CCNY: variants seen among roughly 807,000 people sequenced by gnomAD.
CCNY encodes cyclin-Y.
A neutral mutation model predicts 42.8 loss-of-function variants in CCNY; 19 were observed. The ratio of observed to expected loss-of-function variants is 0.44; its 90% CI spans 0.31 to 0.65. The LOEUF (loss-of-function observed/expected upper bound fraction) is 0.65, where lower values mean the gene tolerates loss of function less well. CCNY is among the 30% of genes least tolerant of loss of function. The pLI is 0.07. For synonymous variants in CCNY, 165 were observed against 162.7 expected (o/e 1.01, Z -0.11); for missense variants, 370 against 437.3 (o/e 0.85, Z 1.37).
rs181090812 is a variant in CCNY, at chr10:35,533,995, A to G, written c.579+3752A>G. The stretch of plus-strand genomic sequence containing the variant: ...CTTCCCCTGCCCCAGTAGTTTTAGA[A>G]CATTGACACATTTCATTTCATTGCT... On this transcript the variant is annotated intron_variant, in intron 7 of 9. Transcript: ENST00000374704. Among the ~76,000 whole-genome samples the G allele has an allele frequency of 2.8e-3, 433 of 152,058 alleles. 1 individual carries two copies. Among genetic ancestry groups the G allele is most frequent in the Non-Finnish European group, 4.6e-3 (310 of 67,982 alleles).
At chr10:35,340,813 C>A (rs1836162813) in intron 1 of CCNY, among the ~76,000 whole-genome samples, 1 of 152,176 alleles carries the variant, frequency 6.6e-6, no homozygotes, top group Non-Finnish European at 1.5e-5. Flanking sequence ...CCACTCTTTT[C>A]ATTTTTATAG....
intron 1 of CCNY, among the ~76,000 whole-genome samples, chr10:35,404,564 GA>G (rs979715030): frequency 2.2e-4 from 34 of 152,246 alleles, no homozygotes; most frequent in Non-Finnish European, 7.4e-5. Context: ...AGGTAATGTG[GA>G]GTGAGTAGTC....
chr10:35,357,118 A>G (rs1412374489), intron 1 of CCNY, among the ~76,000 whole-genome samples: 1 of 134,592 alleles, frequency 7.4e-6, no homozygotes, highest in Non-Finnish European at 1.6e-5. Context: ...ATCACCCCGC[A>G]TCACCTGTTC....
At chr10:35,476,625 C>T (rs1238299886) in intron 1 of CCNY, among the ~76,000 whole-genome samples, 3 of 151,054 alleles carry the variant, frequency 2.0e-5, no homozygotes, top group Non-Finnish European at 4.4e-5. Context: ...CTCTGGGACG[C>T]ATTCAAAGCA....
intron 1 of CCNY, among the ~76,000 whole-genome samples, chr10:35,458,073 G>A (rs1229231194): frequency 6.6e-6 from 1 of 152,186 alleles, no homozygotes; most frequent in African/African-American, 2.4e-5. Flanking sequence ...AAAGAAAATT[G>A]GAAGCAGTAC....
At chr10:35,389,269 A>G (rs1052229849) in intron 1 of CCNY, among the ~76,000 whole-genome samples, 1 of 151,990 alleles carries the variant, frequency 6.6e-6, no homozygotes, top group Non-Finnish European at 1.5e-5. Flanking sequence ...AGTCTACTAC[A>G]TTTTACAGAC....
chr10:35,453,124 A>G (rs1295702437), intron 1 of CCNY, among the ~76,000 whole-genome samples: 2 of 152,050 alleles, frequency 1.3e-5, no homozygotes, highest in Admixed American at 1.3e-4. Context: ...TTTCATAGAG[A>G]TAGGGTCTTG....
At chr10:35,264,237 T>A (rs909160563) in intron 3 of CCNY, among the ~76,000 whole-genome samples, 5 of 152,298 alleles carry the variant, frequency 3.3e-5, no homozygotes, top group South Asian at 2.1e-4. Context: ...TCTTTCTTTT[T>A]TTTTATTTTA....
chr10:35,296,581 A>T (rs1010311494), intron 3 of CCNY, among the ~76,000 whole-genome samples: 1 of 152,082 alleles, frequency 6.6e-6, no homozygotes, highest in Non-Finnish European at 1.5e-5. Flanking sequence ...ACTCTGTCAG[A>T]AAAAAAAGAA....
chr10:35,428,284 A>T (rs1838313281), intron 1 of CCNY, among the ~76,000 whole-genome samples: 1 of 152,106 alleles, frequency 6.6e-6, no homozygotes, highest in African/African-American at 2.4e-5. Context: ...CCTGATCCCG[A>T]CTGGGGCTCC....
At chr10:35,560,589 G>T (rs565041814) in intron 8 of CCNY, among the ~76,000 whole-genome samples, 1 of 152,086 alleles carries the variant, frequency 6.6e-6, no homozygotes, top group African/African-American at 2.4e-5. Context: ...AAAAATTCCC[G>T]TTGTTTAAGC....
intron 3 of CCNY, among the ~76,000 whole-genome samples, chr10:35,324,355 G>A (rs1226442213): frequency 6.6e-6 from 1 of 152,144 alleles, no homozygotes; most frequent in Non-Finnish European, 1.5e-5. Context: ...TAAATTAAAT[G>A]GCATGAATGA....
Position 35,566,088 on chromosome 10 carries a change from A to G in CCNY, c.812A>G (p.Tyr271Cys). 1.2e-6 allele frequency: 2 copies of G among 1,614,206 alleles called. No individual in the cohort carries two copies. The highest frequency in any genetic ancestry group is 1.7e-6 in the Non-Finnish European group (2 of 1,180,024). Reference sequence around the variant, plus strand: ...AACATCAATGTTCCTTCCAGTGTCTATGCCAAGTATTATTTTGATCTTCGT... The same window carrying G: ...AACATCAATGTTCCTTCCAGTGTCTGTGCCAAGTATTATTTTGATCTTCGT... Reference protein sequence around the residue: ...QFNINVPSSVYAKYYFDLRSL... With the variant: ...QFNINVPSSVCAKYYFDLRSL... The change falls in exon 9 of 10, where the codon TAT becomes TGT. Residue 271 changes from tyrosine (Y) to cysteine (C), a missense_variant. Physicochemically the swap from Tyr to Cys is radical, Grantham distance 194. This residue lies in a region of CCNY where 234 missense variants were observed against 313.1 expected (regional missense o/e 0.75). Coordinates refer to ENST00000374704, the MANE Select transcript of CCNY (RefSeq NM_145012.6).
chr10:35,404,970 TAAAG>T (rs1837725974), intron 1 of CCNY, among the ~76,000 whole-genome samples: 1 of 152,060 alleles, frequency 6.6e-6, no homozygotes, highest in South Asian at 2.1e-4. Context: ...AAAGGAATAG[TAAAG>T]AAAGCATGTT....
At chr10:35,498,452 C>T (rs1221581822) in intron 2 of CCNY, among the ~76,000 whole-genome samples, 1 of 152,184 alleles carries the variant, frequency 6.6e-6, no homozygotes, top group East Asian at 1.9e-4. Flanking sequence ...AGATCTGCTG[C>T]TTCACTCTTT....
intron 3 of CCNY, among the ~76,000 whole-genome samples, chr10:35,280,719 A>C (rs1835291057): frequency 6.6e-6 from 1 of 152,222 alleles, no homozygotes; most frequent in African/African-American, 2.4e-5. Flanking sequence ...CACTGAAAGC[A>C]AGAGAAGTCA....
intron 1 of CCNY, among the ~76,000 whole-genome samples, chr10:35,471,133 G>C (rs943683019): frequency 5.9e-5 from 9 of 152,132 alleles, no homozygotes; most frequent in Non-Finnish European, 1.2e-4. Context: ...CAGAACCCTT[G>C]ATTCCTTTGG....
intron 3 of CCNY, among the ~76,000 whole-genome samples, chr10:35,276,820 G>T (rs1015211826): frequency 6.6e-6 from 1 of 152,206 alleles, no homozygotes; most frequent in Non-Finnish European, 1.5e-5. Flanking sequence ...AGGCTCTCCT[G>T]TGGCACACAG....
intron 3 of CCNY, among the ~76,000 whole-genome samples, chr10:35,515,741 A>AT (rs1840414773): frequency 1.3e-5 from 2 of 152,166 alleles, no homozygotes; most frequent in Non-Finnish European, 2.9e-5. Context: ...ATATTGCCCG[A>AT]TTGTTGCCAG....
Sources: allele counts gnomAD v4.1 joint callset (sites outside exome capture counted in the v4.1 genomes callset), GRCh38; gene constraint gnomAD v4.1.1; regional missense constraint gnomAD v4.1.1; transcripts MANE v1.5; gene names NCBI Gene and HGNC (gene_info 2026-07-23, HGNC 2026-07-21).